The following LTBP1 variants were observed in gnomAD, a reference collection of about 807,000 sequenced individuals.
The protein encoded by LTBP1 is latent-transforming growth factor beta-binding protein 1.
In LTBP1, 129 loss-of-function variants were observed where a neutral mutation model predicts 207.6. The observed-to-expected ratio is 0.62, with a 90% CI of 0.54 to 0.72. The LOEUF (loss-of-function observed/expected upper bound fraction) is 0.72. Among genes scored for constraint, LTBP1 ranks in the 30% least tolerant of loss-of-function variants. The pLI, the probability that LTBP1 is intolerant of heterozygous loss-of-function variation, is 0.00. For missense variants in LTBP1, 2,281 were observed against 2,217.2 expected, an observed-to-expected ratio of 1.03 and a Z score of -0.58; for synonymous variants, 963 against 833.7, an observed-to-expected ratio of 1.16 and a Z score of -2.67.
At chr2:33,111,140 T>C (rs1236371582) in intron 4 of LTBP1, among the ~76,000 whole-genome samples, 1 of 152,208 alleles carries the variant, frequency 6.6e-6, no homozygotes, top group African/African-American at 2.4e-5. Flanking sequence ...CCTGCATAGC[T>C]CTCTGAGGTT....
intron 9 of LTBP1, among the ~76,000 whole-genome samples, chr2:33,235,889 A>G (rs145416503): frequency 0.011 from 1,665 of 152,214 alleles, 30 homozygotes; most frequent in African/African-American, 0.038. Flanking sequence ...AACATCACAC[A>G]CTGGGGCCTG....
chr2:33,142,448 T>TGTGA (rs1012177717), intron 5 of LTBP1, among the ~76,000 whole-genome samples: 3 of 152,018 alleles, frequency 2.0e-5, no homozygotes, highest in African/African-American at 7.2e-5. Flanking sequence ...GGTTCTTGCT[T>TGTGA]GTGAGTGGTG....
intron 5 of LTBP1, among the ~76,000 whole-genome samples, chr2:33,161,230 G>A (rs889991495): frequency 6.0e-5 from 9 of 149,670 alleles, no homozygotes; most frequent in East Asian, 3.9e-4. Context: ...TTTCCCTTAC[G>A]TAGAGGTTAA....
chr2:33,102,656 G>A lies in LTBP1; in HGVS notation c.864-7926G>A, dbSNP rs116354502. Among the ~76,000 whole-genome samples the A allele has an allele frequency of 1.6e-3, 245 of 151,922 alleles. 1 individual carries two copies. Among genetic ancestry groups the A allele is most frequent in the African/African-American group, 5.7e-3 (235 of 41,372 alleles). On this transcript the variant is annotated intron_variant, in intron 3 of 33. Transcript: ENST00000404816. The stretch of plus-strand genomic sequence containing the variant: ...ATTTCTCCCATTTTCCTGACTTTGT[G>A]TTTGCTCCTTTCATTTTACTTTTGC...
intron 3 of LTBP1, chr2:33,056,255 A>G: frequency 4.3e-6 from 2 of 463,410 alleles, no homozygotes; most frequent in Non-Finnish European, 3.7e-6. Flanking sequence ...ATGCATTTCA[A>G]GGGTGAGCCT....
intron 2 of LTBP1, among the ~76,000 whole-genome samples, chr2:32,989,013 T>C (rs1344279124): frequency 6.6e-6 from 1 of 152,214 alleles, no homozygotes; most frequent in Non-Finnish European, 1.5e-5. Flanking sequence ...TGACGGCACA[T>C]TTTGGACCAA....
intron 3 of LTBP1, chr2:33,063,261 C>G (rs756228422): frequency 6.6e-6 from 1 of 151,444 alleles, no homozygotes; most frequent in African/African-American, 2.4e-5. Context: ...TTTGCATTGT[C>G]TTGAATCTGG....
At chr2:33,202,129 A>C (rs2089374585) in intron 7 of LTBP1, among the ~76,000 whole-genome samples, 1 of 152,164 alleles carries the variant, frequency 6.6e-6, no homozygotes, top group African/African-American at 2.4e-5. Context: ...AATAAGCTTA[A>C]TGGAGAAATT....
At chr2:33,248,865 G>C (rs1162923365) in intron 10 of LTBP1, among the ~76,000 whole-genome samples, 1 of 152,128 alleles carries the variant, frequency 6.6e-6, no homozygotes, top group Non-Finnish European at 1.5e-5. Flanking sequence ...GGGATTACAG[G>C]CATGAGCCAC....
intron 5 of LTBP1, among the ~76,000 whole-genome samples, chr2:33,159,102 C>T (rs1320032843): frequency 6.6e-6 from 1 of 152,156 alleles, no homozygotes; most frequent in Non-Finnish European, 1.5e-5. Context: ...CCTGTATGTG[C>T]TTCTGTGAGT....
chr2:33,082,021 T>C (rs60784858), intron 3 of LTBP1, among the ~76,000 whole-genome samples: 2,914 of 152,296 alleles, frequency 0.019, 34 homozygotes, highest in African/African-American at 0.037. Flanking sequence ...TGGGTATGTC[T>C]GTATTAGCAG....
intron 2 of LTBP1, among the ~76,000 whole-genome samples, chr2:33,016,088 C>A (rs1558516591): frequency 6.6e-6 from 1 of 152,018 alleles, no homozygotes; most frequent in Non-Finnish European, 1.5e-5. Flanking sequence ...AGACTTCATA[C>A]AGAAGGGTGG....
chr2:33,061,487 C>G (rs1295003358), intron 3 of LTBP1: 1 of 152,120 alleles, frequency 6.6e-6, no homozygotes, highest in Admixed American at 6.6e-5. Context: ...AGTCCTACCC[C>G]AGAGACAACC....
chr2:33,164,405 G>T (rs951380546), intron 5 of LTBP1, among the ~76,000 whole-genome samples: 1 of 129,514 alleles, frequency 7.7e-6, no homozygotes, highest in African/African-American at 2.9e-5. Flanking sequence ...GCCCAACTAT[G>T]AATAAATCTG....
chr2:33,004,144 G>C (rs1382074234), intron 2 of LTBP1, among the ~76,000 whole-genome samples: 3 of 150,988 alleles, frequency 2.0e-5, no homozygotes, highest in Non-Finnish European at 4.4e-5. Flanking sequence ...TTGTTACTTA[G>C]GTTTGATAAG....
intron 4 of LTBP1, among the ~76,000 whole-genome samples, chr2:33,115,873 G>C (rs1297349859): frequency 6.6e-6 from 1 of 152,196 alleles, no homozygotes; most frequent in Non-Finnish European, 1.5e-5. Flanking sequence ...GACATAACCT[G>C]CTAGAAAAAG....
In LTBP1 at chr2:33,259,456, C is replaced by T. The variant is rs548738455; in HGVS notation, c.2396-132C>T. 14 of 567,680 alleles carry T rather than the reference C, an allele frequency of 2.5e-5. No homozygotes were observed. In the East Asian group the frequency reaches 4.3e-4, roughly 17 times the overall value. The allele number at this position is 567,680 out of a possible 1,614,324, so 35.2% of individuals were successfully genotyped here. A position where few individuals can be genotyped will look rare whatever the true frequency, so the allele number is the denominator to read the frequency against. On this transcript the variant is annotated intron_variant, in intron 12 of 33. Transcript: ENST00000404816. ...CCTAAAATGGCAGATGATCCTAATT[C>T]TGCATTTGCTTTAGTCTGATTCTTA...
chr2:33,243,452 C>T (rs529894515), intron 9 of LTBP1, among the ~76,000 whole-genome samples: 1 of 152,188 alleles, frequency 6.6e-6, no homozygotes, highest in South Asian at 2.1e-4. Flanking sequence ...TAGCACCTGG[C>T]ATGTAGTAGG....
intron 24 of LTBP1, among the ~76,000 whole-genome samples, chr2:33,323,251 G>A (rs190966769): frequency 6.6e-6 from 1 of 152,256 alleles, no homozygotes; most frequent in Non-Finnish European, 1.5e-5. Flanking sequence ...AATATCTCAT[G>A]TAATTTATTG....
Sources: gnomAD v4.1 joint callset for allele counts (sites outside exome capture counted in the v4.1 genomes callset) on GRCh38, gnomAD v4.1.1 for gene constraint, MANE v1.5 for transcripts, NCBI Gene and HGNC (gene_info 2026-07-23, HGNC 2026-07-21) for gene names.